The following DLG2 variants were observed in gnomAD, a reference collection of about 807,000 sequenced individuals.
DLG2 encodes the protein disks large homolog 2.
A neutral mutation model predicts 132.5 loss-of-function variants in DLG2; 45 were observed. The observed-to-expected ratio is 0.34, with a 90% confidence interval of 0.27 to 0.44. The LOEUF is 0.44. DLG2 is among the 20% of genes least tolerant of loss of function. The probability of loss-of-function intolerance (pLI) is 1.00; values close to 1 mark genes in which losing one functional copy is unlikely to be tolerated. For synonymous variants in DLG2, 424 were observed against 419.6 expected (o/e 1.01, Z -0.13); for missense variants, 1,045 against 1,196.9 (o/e 0.87, Z 1.87).
intron 16 of DLG2, among the ~76,000 whole-genome samples, chr11:83,854,671 G>C (rs1332339519): frequency 2.0e-5 from 3 of 152,118 alleles, no homozygotes; most frequent in Admixed American, 1.3e-4. Flanking sequence ...AGAAAATCTA[G>C]ATGACCTTGG....
intron 7 of DLG2, among the ~76,000 whole-genome samples, chr11:84,252,140 C>CTTTTTT (rs1176873990): frequency 6.0e-4 from 39 of 65,352 alleles, no homozygotes; most frequent in East Asian, 9.3e-4. Context: ...TTCTTTCTTT[C>CTTTTTT]TTTTTTTTTT....
At chr11:85,494,062 C>G (rs1464068247) in intron 3 of DLG2, among the ~76,000 whole-genome samples, 1 of 152,024 alleles carries the variant, frequency 6.6e-6, no homozygotes, top group African/African-American at 2.4e-5. Flanking sequence ...GTGCTTCCTT[C>G]AATCTTGACC....
chr11:84,139,554 C>G (rs750605012), intron 9 of DLG2, among the ~76,000 whole-genome samples: 3 of 151,796 alleles, frequency 2.0e-5, no homozygotes, highest in Non-Finnish European at 2.9e-5. Context: ...GGGCTAGGCA[C>G]TATTCTAAGC....
chr11:84,714,536 T>G (rs2060818193), intron 6 of DLG2, among the ~76,000 whole-genome samples: 1 of 106,758 alleles, frequency 9.4e-6, no homozygotes, highest in African/African-American at 7.5e-5. Flanking sequence ...CCTCTTTCTC[T>G]TTCTCTTTCT....
At chr11:85,289,879 G>A (rs2078785840) in intron 3 of DLG2, among the ~76,000 whole-genome samples, 2 of 152,138 alleles carry the variant, frequency 1.3e-5, no homozygotes, top group African/African-American at 4.8e-5. Context: ...CATACTGCTT[G>A]AATCTACTCA....
chr11:84,153,816 GTC>G (rs1293417851), intron 9 of DLG2, among the ~76,000 whole-genome samples: 4 of 152,068 alleles, frequency 2.6e-5, no homozygotes, highest in African/African-American at 9.7e-5. Context: ...TGAATTCTGT[GTC>G]TGTCATTTCA....
intron 3 of DLG2, among the ~76,000 whole-genome samples, chr11:85,444,619 T>G (rs1488886790): frequency 1.3e-5 from 2 of 152,226 alleles, no homozygotes; most frequent in Non-Finnish European, 2.9e-5. Context: ...GCAACATGCA[T>G]GCCCTCGACA....
At chr11:85,156,534 G>A (rs1394355978) in intron 4 of DLG2, among the ~76,000 whole-genome samples, 2 of 152,088 alleles carry the variant, frequency 1.3e-5, no homozygotes, top group African/African-American at 4.8e-5. Flanking sequence ...TTTATTTTGT[G>A]CTCCCCTCTT....
intron 3 of DLG2, among the ~76,000 whole-genome samples, chr11:85,330,768 AG>A (rs1394183425): frequency 8.2e-6 from 1 of 121,968 alleles, no homozygotes; most frequent in Non-Finnish European, 1.7e-5. Flanking sequence ...CCTAAAACTT[AG>A]AGTATAATAA....
At chr11:84,405,017 T>G (rs542110793) in intron 7 of DLG2, among the ~76,000 whole-genome samples, 1 of 152,282 alleles carries the variant, frequency 6.6e-6, no homozygotes, top group East Asian at 1.9e-4. Context: ...AATGTTGATA[T>G]GTAACACCCA....
chr11:84,679,783 T>C (rs188881447), intron 6 of DLG2, among the ~76,000 whole-genome samples: 10 of 152,224 alleles, frequency 6.6e-5, no homozygotes, highest in African/African-American at 1.9e-4. Flanking sequence ...GTTATAAATA[T>C]AGTAAGTTGT....
chr11:83,511,040 A>AAAG (rs1194708388), intron 21 of DLG2, among the ~76,000 whole-genome samples: 3 of 146,528 alleles, frequency 2.0e-5, no homozygotes, highest in Non-Finnish European at 4.5e-5. Context: ...AGAAAAAAAA[A>AAAG]AAAACCCTCT....
chr11:83,954,875 T>A (rs2154150779), intron 14 of DLG2, among the ~76,000 whole-genome samples: 1 of 152,312 alleles, frequency 6.6e-6, no homozygotes, highest in South Asian at 2.1e-4. Flanking sequence ...ATTAAGATTC[T>A]CAATAAAGCA....
At chr11:83,575,532 G>A (rs2096860848) in intron 19 of DLG2, among the ~76,000 whole-genome samples, 1 of 152,176 alleles carries the variant, frequency 6.6e-6, no homozygotes, top group Admixed American at 6.5e-5. Context: ...TGGCATCTGT[G>A]TGCATGAAGA....
chr11:84,964,626 A>G (rs541269156), intron 6 of DLG2, among the ~76,000 whole-genome samples: 135 of 152,282 alleles, frequency 8.9e-4, no homozygotes, highest in African/African-American at 3.2e-3. Flanking sequence ...TTGTTTTTTC[A>G]TTCAATGAGC....
chr11:83,578,294 A>G (rs548235431), intron 19 of DLG2, among the ~76,000 whole-genome samples: 2 of 151,970 alleles, frequency 1.3e-5, no homozygotes, highest in South Asian at 4.1e-4. Context: ...TAAATCAACA[A>G]ATGAGATAAA....
intron 5 of DLG2, among the ~76,000 whole-genome samples, chr11:85,133,755 G>C (rs1004315511): frequency 6.6e-6 from 1 of 152,052 alleles, no homozygotes; most frequent in African/African-American, 2.4e-5. Context: ...CTTGCTGTCT[G>C]CAGGCACTTA....
intron 21 of DLG2, among the ~76,000 whole-genome samples, chr11:83,513,911 A>G (rs1682624386): frequency 1.3e-5 from 2 of 152,174 alleles, no homozygotes. Flanking sequence ...TACCAGTACC[A>G]CGCTGTTTTG....
chr11:83,487,293 TGA>T (rs1429611953), intron 21 of DLG2, among the ~76,000 whole-genome samples: 1 of 148,638 alleles, frequency 6.7e-6, no homozygotes, highest in African/African-American at 2.5e-5. Flanking sequence ...CCTAAAATGT[TGA>T]GTTCTAACTA....
Sources: allele counts gnomAD v4.1 joint callset (sites outside exome capture counted in the v4.1 genomes callset), GRCh38; gene constraint gnomAD v4.1.1; transcripts MANE v1.5; gene names NCBI Gene and HGNC (gene_info 2026-07-23, HGNC 2026-07-21).